CFAP61: variants seen among roughly 807,000 people sequenced by gnomAD.
The protein encoded by CFAP61 is cilia- and flagella-associated protein 61.
Under a neutral mutation model 135.6 loss-of-function variants are expected in CFAP61, and 107 were observed. The ratio of observed to expected loss-of-function variants is 0.79; its 90% CI spans 0.67 to 0.93. The LOEUF (loss-of-function observed/expected upper bound fraction) is 0.93. Ranked by LOEUF, CFAP61 falls within the 40% of genes least tolerant of loss-of-function variation. The pLI is 0.00. For synonymous variants in CFAP61, 575 were observed against 578.5 expected (o/e 0.99, Z 0.09); for missense variants, 1,507 against 1,556.2 (o/e 0.97, Z 0.53).
At chr20:20,280,749 T>TA (rs2054145229) in intron 22 of CFAP61, among the ~76,000 whole-genome samples, 1 of 152,220 alleles carries the variant, frequency 6.6e-6, no homozygotes, top group Non-Finnish European at 1.5e-5. Context: ...AGAGATTGTC[T>TA]AAGTCATATG....
chr20:20,269,141 AT>A lies in CFAP61; in HGVS notation c.2503+6012del, dbSNP rs1384622808. The stretch of plus-strand genomic sequence containing the variant: ...GCTATATATATATATATATATATAT[AT>A]ATATACACACACACACACACACATA... On this transcript the variant is annotated intron_variant, in intron 21 of 26. Transcript: ENST00000245957. 5.4e-5 allele frequency among the ~76,000 whole-genome samples: 5 copies of A among 92,164 alleles called. 1 individual carries two copies. The highest frequency in any genetic ancestry group is 1.2e-4 in the Non-Finnish European group (5 of 40,496). 60.5% of individuals were successfully genotyped at this position (92,164 alleles called of 152,430 possible).
intron 20 of CFAP61, 23 bp downstream of exon 20, chr20:20,251,786 C>A: frequency 6.2e-7 from 1 of 1,610,366 alleles, no homozygotes. Context: ...ACAGGGGGCG[C>A]AAGCCACGTG....
chr20:20,213,995 A>C (rs915762646), intron 17 of CFAP61, among the ~76,000 whole-genome samples: 1 of 152,016 alleles, frequency 6.6e-6, no homozygotes, highest in Non-Finnish European at 1.5e-5. Context: ...CTTTGAAAGA[A>C]ATGAGCAAAG....
chr20:20,076,952 T>C (rs553374937), intron 6 of CFAP61, among the ~76,000 whole-genome samples: 1 of 152,292 alleles, frequency 6.6e-6, no homozygotes, highest in South Asian at 2.1e-4. Flanking sequence ...GATTGTGAGC[T>C]AATGAACATC....
chr20:20,199,999 C>T, intron 17 of CFAP61, 97 bp downstream of exon 17: 1 of 1,407,946 alleles, frequency 7.1e-7, no homozygotes, highest in Non-Finnish European at 9.8e-7. Flanking sequence ...CAGGCTGCTT[C>T]TTAATTACAG....
chr20:20,190,313 A>C (rs1296968913), intron 14 of CFAP61, among the ~76,000 whole-genome samples: 1 of 152,226 alleles, frequency 6.6e-6, no homozygotes, highest in Non-Finnish European at 1.5e-5. Context: ...CTTGGCTTGG[A>C]TAAATCTCCA....
intron 3 of CFAP61, 77 bp downstream of exon 3, chr20:20,071,081 C>T (rs560888927): frequency 1.3e-4 from 194 of 1,474,148 alleles, no homozygotes; most frequent in South Asian, 1.1e-3. Context: ...TTATGTCTTT[C>T]CAAGTTTTGT....
intron 21 of CFAP61, among the ~76,000 whole-genome samples, chr20:20,263,678 G>C (rs895225783): frequency 1.3e-5 from 2 of 152,176 alleles, no homozygotes; most frequent in Non-Finnish European, 2.9e-5. Flanking sequence ...ACTCAAAAGT[G>C]TATTCTCAAG....
chr20:20,149,127 A>C (rs1311159832), intron 9 of CFAP61, among the ~76,000 whole-genome samples: 1 of 152,250 alleles, frequency 6.6e-6, no homozygotes, highest in Non-Finnish European at 1.5e-5. Flanking sequence ...CAGAATATAC[A>C]TTCTTTTCAA....
At chr20:20,356,272 C>G in intron 26 of CFAP61, among the ~76,000 whole-genome samples, 1 of 128,728 alleles carries the variant, frequency 7.8e-6, no homozygotes, top group Non-Finnish European at 1.6e-5. Flanking sequence ...GGTAGTCACA[C>G]TGTGAAGGGT....
At chr20:20,163,041 A>T (rs2053532229) in intron 10 of CFAP61, among the ~76,000 whole-genome samples, 1 of 152,226 alleles carries the variant, frequency 6.6e-6, no homozygotes, top group African/African-American at 2.4e-5. Flanking sequence ...CCATAAGCAT[A>T]TTGTTCAGAA....
chr20:20,149,307 AT>A (rs370303554), intron 9 of CFAP61, among the ~76,000 whole-genome samples: 5 of 152,372 alleles, frequency 3.3e-5, no homozygotes, highest in African/African-American at 1.2e-4. Flanking sequence ...TGATGAGGAA[AT>A]TCTAATAAAA....
intron 20 of CFAP61, among the ~76,000 whole-genome samples, chr20:20,262,666 T>C (rs2052340218): frequency 1.3e-5 from 2 of 152,314 alleles, no homozygotes; most frequent in South Asian, 2.1e-4. Context: ...CCTGTCTGAA[T>C]TACTGTCCTG....
At chr20:20,190,246 C>T (rs1396039446) in intron 14 of CFAP61, among the ~76,000 whole-genome samples, 1 of 152,208 alleles carries the variant, frequency 6.6e-6, no homozygotes, top group Non-Finnish European at 1.5e-5. Context: ...CACACTGTGG[C>T]ACATCATGTC....
At chr20:20,241,673 T>A (rs750847268) in intron 18 of CFAP61, among the ~76,000 whole-genome samples, 4 of 152,170 alleles carry the variant, frequency 2.6e-5, no homozygotes, top group Non-Finnish European at 5.9e-5. Context: ...TCTACTTACA[T>A]AGAGATGTAA....
intron 1 of CFAP61, among the ~76,000 whole-genome samples, chr20:20,054,013 G>GTTTTTT (rs1239349657): frequency 1.7e-4 from 10 of 59,090 alleles, no homozygotes; most frequent in Non-Finnish European, 3.2e-4. Flanking sequence ...TTTTTTGTTT[G>GTTTTTT]TTTTTTTTTT....
intron 8 of CFAP61, among the ~76,000 whole-genome samples, chr20:20,102,036 C>A (rs973059247): frequency 2.6e-5 from 4 of 152,196 alleles, no homozygotes; most frequent in African/African-American, 9.7e-5. Flanking sequence ...CTCCAAACAA[C>A]TCCTATCTGC....
chr20:20,269,158 C>CAA, intron 21 of CFAP61, among the ~76,000 whole-genome samples: 1 of 94,466 alleles, frequency 1.1e-5, no homozygotes, highest in African/African-American at 3.3e-5. Flanking sequence ...CACACACACA[C>CAA]ACACACATAC....
chr20:20,056,516 C>T, intron 1 of CFAP61, 102 bp from the exon 2 acceptor site: 1 of 776,544 alleles, frequency 1.3e-6, no homozygotes, highest in Non-Finnish European at 2.1e-6. Flanking sequence ...CGTGTCACAC[C>T]AGTATTCTCA....
Sources: gnomAD v4.1 joint callset for allele counts (sites outside exome capture counted in the v4.1 genomes callset) on GRCh38, gnomAD v4.1.1 for gene constraint, MANE v1.5 for transcripts, NCBI Gene and HGNC (gene_info 2026-07-23, HGNC 2026-07-21) for gene names.